Variants in SYN3 observed in about 807,000 individuals in gnomAD.
SYN3 encodes the protein synapsin-3.
A neutral mutation model predicts 65.8 loss-of-function variants in SYN3; 35 were observed. That is an observed-to-expected ratio of 0.53 (90% confidence interval 0.41 to 0.70). The LOEUF (loss-of-function observed/expected upper bound fraction) is 0.70, where lower values mean the gene tolerates loss of function less well. Among genes scored for constraint, SYN3 ranks in the 30% least tolerant of loss-of-function variants. The pLI is 0.00. For synonymous variants in SYN3, 270 were observed against 292.9 expected, an observed-to-expected ratio of 0.92 and a Z score of 0.80; for missense variants, 680 against 749.0, an observed-to-expected ratio of 0.91 and a Z score of 1.08.
At chr22:32,859,089 T>A in intron 6 of SYN3, 1 of 1,295,666 alleles carries the variant, frequency 7.7e-7, no homozygotes. Context: ...TCCCATGCAG[T>A]GGCCCCAGGG....
At chr22:32,523,318 A>G (rs752966178) in intron 12 of SYN3, among the ~76,000 whole-genome samples, 1 of 152,112 alleles carries the variant, frequency 6.6e-6, no homozygotes, top group African/African-American at 2.4e-5. Context: ...CGAGACCATC[A>G]TGGCCAACAT....
chr22:32,520,149 A>G (rs2057853636), intron 12 of SYN3, among the ~76,000 whole-genome samples: 1 of 152,150 alleles, frequency 6.6e-6, no homozygotes, highest in African/African-American at 2.4e-5. Flanking sequence ...ATGTATATAT[A>G]TAATTTTTAA....
chr22:32,997,701 T>G (rs1490923520), intron 2 of SYN3, among the ~76,000 whole-genome samples: 1 of 152,060 alleles, frequency 6.6e-6, no homozygotes, highest in Non-Finnish European at 1.5e-5. Context: ...TCAGCTGGAT[T>G]GAGTCAAGGT....
At chr22:32,577,127 G>C (rs1053825478) in intron 7 of SYN3, among the ~76,000 whole-genome samples, 3 of 152,174 alleles carry the variant, frequency 2.0e-5, no homozygotes, top group African/African-American at 7.2e-5. Flanking sequence ...CTGGGCAGAA[G>C]TGGAATTTAC....
chr22:32,889,653 C>T (rs137512), intron 4 of SYN3, among the ~76,000 whole-genome samples: 122,154 of 151,980 alleles, frequency 0.8, 49,591 homozygotes, highest in African/African-American at 0.88. Context: ...TACATATATG[C>T]CATTCTGTAA....
intron 6 of SYN3, among the ~76,000 whole-genome samples, chr22:32,710,098 C>CACACACACATAT (rs71320948): frequency 1.5e-5 from 2 of 129,534 alleles, no homozygotes; most frequent in African/African-American, 5.5e-5. Flanking sequence ...CACACACACA[C>CACACACACATAT]ATGTGTGTGT....
chr22:32,752,103 T>A (rs2045144861), intron 6 of SYN3, among the ~76,000 whole-genome samples: 2 of 152,328 alleles, frequency 1.3e-5, no homozygotes, highest in Non-Finnish European at 2.9e-5. Flanking sequence ...AGTAGATGCT[T>A]AATAAATACT....
At chr22:32,676,234 A>G (rs1335332046) in intron 6 of SYN3, among the ~76,000 whole-genome samples, 1 of 118,200 alleles carries the variant, frequency 8.5e-6, no homozygotes, top group East Asian at 2.5e-4. Context: ...GATGTCCACA[A>G]TGCTGGTTCA....
intron 6 of SYN3, among the ~76,000 whole-genome samples, chr22:32,635,757 C>A (rs1255843206): frequency 2.0e-5 from 3 of 152,182 alleles, no homozygotes; most frequent in Non-Finnish European, 2.9e-5. Context: ...ATGGAGGAGA[C>A]AACTAAGTAG....
chr22:32,928,303 C>G (rs779649986), intron 4 of SYN3, among the ~76,000 whole-genome samples: 1 of 151,916 alleles, frequency 6.6e-6, no homozygotes, highest in Non-Finnish European at 1.5e-5. Context: ...GCACTCCAGC[C>G]TGGGCGACAG....
intron 1 of SYN3, among the ~76,000 whole-genome samples, chr22:33,053,140 C>T (rs2054198579): frequency 2.0e-5 from 3 of 152,086 alleles, no homozygotes; most frequent in Non-Finnish European, 4.4e-5. Flanking sequence ...GAGGCTGAGT[C>T]GGCCGGGCGC....
Position 32,772,869 on chromosome 22 carries a change from G to A in SYN3, c.711+92046C>T, listed in dbSNP as rs147376293. Among the ~76,000 whole-genome samples, 760 of 152,292 alleles carry A rather than the reference G, an allele frequency of 5.0e-3. 1 individual carries two copies. Among genetic ancestry groups the A allele is most frequent in the African/African-American group, 0.016 (659 of 41,554 alleles). ...ATGTCAGCCCAGTAGAACTGACTTC[G>A]GACATCTGGCCTCCATAACTGCGAG... is the stretch of plus-strand genomic sequence containing the variant. On this transcript the variant is annotated intron_variant, in intron 6 of 13. Coordinates refer to ENST00000358763, the MANE Select transcript of SYN3 (RefSeq NM_003490.4).
chr22:32,929,602 G>A (rs1251307346), intron 4 of SYN3, among the ~76,000 whole-genome samples: 1 of 152,124 alleles, frequency 6.6e-6, no homozygotes, highest in Non-Finnish European at 1.5e-5. Flanking sequence ...CATAAACCAA[G>A]TTCAATGCCT....
chr22:32,950,585 G>GCTTCTTCTGATTCCCAGGAT, intron 3 of SYN3, among the ~76,000 whole-genome samples: 1 of 152,142 alleles, frequency 6.6e-6, no homozygotes, highest in African/African-American at 2.4e-5. Flanking sequence ...ATTCCCAGGA[G>GCTTCTTCTGATTCCCAGGAT]GCCCGGATGT....
At chr22:32,559,229 T>C (rs1333459779) in intron 7 of SYN3, among the ~76,000 whole-genome samples, 1 of 152,202 alleles carries the variant, frequency 6.6e-6, no homozygotes, top group African/African-American at 2.4e-5. Flanking sequence ...GCCCAGACAT[T>C]CATTCAGTTA....
intron 1 of SYN3, among the ~76,000 whole-genome samples, chr22:33,051,046 T>C (rs1179901049): frequency 6.6e-6 from 1 of 152,164 alleles, no homozygotes; most frequent in Non-Finnish European, 1.5e-5. Flanking sequence ...TGGCCAGACC[T>C]AGAAGGGCTG....
At chr22:32,747,675 T>C (rs1169864030) in intron 6 of SYN3, among the ~76,000 whole-genome samples, 3 of 152,218 alleles carry the variant, frequency 2.0e-5, no homozygotes, top group South Asian at 4.1e-4. Flanking sequence ...GTCTGAGCTC[T>C]GAACCACCCA....
chr22:32,872,369 A>T (rs1490846407), intron 4 of SYN3, among the ~76,000 whole-genome samples: 2 of 152,174 alleles, frequency 1.3e-5, no homozygotes, highest in African/African-American at 2.4e-5. Flanking sequence ...GATCCTAGAG[A>T]AGAAAACTAG....
intron 7 of SYN3, among the ~76,000 whole-genome samples, chr22:32,556,068 A>G (rs141356822): frequency 2.6e-5 from 4 of 152,334 alleles, no homozygotes; most frequent in East Asian, 3.9e-4. Flanking sequence ...GAGGTTCCCA[A>G]GCCTTCTTGG....
Sources: gnomAD v4.1 joint callset for allele counts (sites outside exome capture counted in the v4.1 genomes callset) on GRCh38, gnomAD v4.1.1 for gene constraint, MANE v1.5 for transcripts, NCBI Gene and HGNC (gene_info 2026-07-23, HGNC 2026-07-21) for gene names.